TET3: variants seen among roughly 807,000 people sequenced by gnomAD.
The protein encoded by TET3 is methylcytosine dioxygenase TET3.
TET3 carries 19 observed loss-of-function variants against 141.4 expected under a neutral mutation model. The ratio of observed to expected loss-of-function variants is 0.13; its 90% CI spans 0.09 to 0.20. The LOEUF is 0.20. TET3 is among the 10% of genes least tolerant of loss of function. TET3 has a pLI of 1.00. For synonymous variants in TET3, 1,043 were observed against 980.9 expected (o/e 1.06, Z -1.18); for missense variants, 1,874 against 2,356.9 (o/e 0.80, Z 4.24).
intron 4 of TET3, 101 bp downstream of exon 4, chr2:74,048,512 G>A (rs542933831): frequency 1.4e-4 from 170 of 1,252,916 alleles, no homozygotes; most frequent in African/African-American, 2.4e-4. Context: ...ATTTATTTGT[G>A]CCAACTGCCA....
At chr2:74,122,457 A>ATGTGTGTGTGTG in the TET3 span, 103 of 127,486 alleles carry the variant, frequency 8.1e-4, no homozygotes, top group East Asian at 8.9e-3. Context: ...AAATATATAT[A>ATGTGTGTGTGTG]TGTGTGTGTG....
the TET3 span, among the ~76,000 whole-genome samples, chr2:74,125,485 G>A: frequency 1.3e-5 from 2 of 152,272 alleles, no homozygotes; most frequent in South Asian, 4.1e-4. Flanking sequence ...CTGAGATGAA[G>A]CTTTACATGG....
At chr2:74,074,535 T>TAA in intron 5 of TET3, among the ~76,000 whole-genome samples, 1 of 152,340 alleles carries the variant, frequency 6.6e-6, no homozygotes, top group South Asian at 2.1e-4. Flanking sequence ...CGGCAGGTAG[T>TAA]AAACACTCTA....
At chr2:74,045,013 C>G (rs1687541975) in intron 3 of TET3, among the ~76,000 whole-genome samples, 1 of 152,336 alleles carries the variant, frequency 6.6e-6, no homozygotes, top group South Asian at 2.1e-4. Context: ...AGAGATTGTT[C>G]TCTTCAAAAA....
At chr2:73,989,275 G>A (rs1412639532) in intron 2 of TET3, among the ~76,000 whole-genome samples, 15 of 152,168 alleles carry the variant, frequency 9.9e-5, no homozygotes, top group Middle Eastern at 3.4e-3. Context: ...CAGGTGGGGC[G>A]GGACGCAGTA....
chr2:74,007,806 G>T (rs1391034679), intron 3 of TET3, among the ~76,000 whole-genome samples: 2 of 152,112 alleles, frequency 1.3e-5, no homozygotes, highest in African/African-American at 2.4e-5. Flanking sequence ...CAGTTTTTTT[G>T]TTTGTTTGTT....
chr2:74,119,868 G>A, the TET3 span, among the ~76,000 whole-genome samples: 3 of 152,274 alleles, frequency 2.0e-5, no homozygotes, highest in South Asian at 6.2e-4. Context: ...AGTAGTTGTG[G>A]TAATATGAAC....
Position 73,986,639 on chromosome 2 carries a change from G to A in TET3, c.236G>A (p.Arg79His). 1.6e-6 allele frequency: 2 copies of A among 1,232,130 alleles called. No individual in the cohort carries two copies. The highest frequency in any genetic ancestry group is 4.1e-5 in the South Asian group (1 of 24,322). The allele number at this position is 1,232,130 out of a possible 1,614,324, so 76.3% of individuals were successfully genotyped here. The change falls in exon 2 of 12, where the codon CGC becomes CAC. Residue 79 changes from arginine to histidine, a missense_variant. By Grantham distance (29) the Arg-to-His change is conservative. This residue lies in a region of TET3 where 366 missense variants were observed against 487.0 expected (regional missense o/e 0.75). Coordinates refer to ENST00000409262, the MANE Select transcript of TET3 (RefSeq NM_001287491.2). ...GCTTGCACTAGCTGTACCAACCGCC[G>A]CACGCACCAGATCTGCAAACTGCGA... The part of the protein sequence containing the change: ...CGACTSCTNR[R>H]THQICKLRKC...
chr2:73,988,989 A>AAATT (rs1558689017), intron 2 of TET3, among the ~76,000 whole-genome samples: 1 of 128,888 alleles, frequency 7.8e-6, no homozygotes, highest in Admixed American at 7.5e-5. Context: ...AAAAAAAAAA[A>AAATT]GTTTTTTTTG....
At chr2:74,032,488 T>TGTGTGTGTGTGTGTGTGTGG (rs1686796340) in intron 3 of TET3, among the ~76,000 whole-genome samples, 2 of 78,944 alleles carry the variant, frequency 2.5e-5, no homozygotes, top group South Asian at 2.9e-4. Context: ...TGTGTGTGTG[T>TGTGTGTGTGTGTGTGTGTGG]GTGTGTGTGT....
intron 3 of TET3, among the ~76,000 whole-genome samples, chr2:74,031,610 C>T (rs1686692559): frequency 6.6e-6 from 1 of 152,172 alleles, no homozygotes. Context: ...CCCCAATTTC[C>T]TGCCTTCTGG....
the TET3 span, chr2:74,122,313 A>G: frequency 6.6e-6 from 1 of 151,658 alleles, no homozygotes; most frequent in African/African-American, 2.4e-5. Context: ...CTGACAACAG[A>G]GTGGAATGTA....
At chr2:74,011,278 G>A (rs1238035627) in intron 3 of TET3, among the ~76,000 whole-genome samples, 2 of 150,850 alleles carry the variant, frequency 1.3e-5, no homozygotes, top group African/African-American at 2.4e-5. Flanking sequence ...GTATACACAC[G>A]GAAAGGCATA....
chr2:74,022,094 CTTTTTTTTT>C (rs34529157), intron 3 of TET3, among the ~76,000 whole-genome samples: 10 of 82,768 alleles, frequency 1.2e-4, no homozygotes, highest in Middle Eastern at 9.1e-3. Context: ...TTCTAGGACA[CTTTTTTTTT>C]TTTTTTTTTT....
At chr2:74,003,399 C>T (rs1684968169) in intron 3 of TET3, among the ~76,000 whole-genome samples, 1 of 147,690 alleles carries the variant, frequency 6.8e-6, no homozygotes, top group Non-Finnish European at 1.5e-5. Flanking sequence ...GTTTTGGGTG[C>T]AGTTGGGGCT....
chr2:74,024,689 C>A (rs1162618406), intron 3 of TET3, among the ~76,000 whole-genome samples: 1 of 152,004 alleles, frequency 6.6e-6, no homozygotes, highest in Non-Finnish European at 1.5e-5. Context: ...TCCTGTTCCT[C>A]GTTGTAAGAT....
At chr2:74,032,023 A>G (rs1686722762) in intron 3 of TET3, among the ~76,000 whole-genome samples, 1 of 152,136 alleles carries the variant, frequency 6.6e-6, no homozygotes, top group Non-Finnish European at 1.5e-5. Flanking sequence ...ACTAAAATGG[A>G]TGTGGAATTG....
intron 2 of TET3, among the ~76,000 whole-genome samples, chr2:73,995,174 G>C (rs1384492025): frequency 6.6e-6 from 1 of 152,192 alleles, no homozygotes; most frequent in Non-Finnish European, 1.5e-5. Context: ...TGGCCAGTCT[G>C]ATCTTGAACT....
upstream of TET3, among the ~76,000 whole-genome samples, chr2:73,984,102 G>T (rs188260520): frequency 6.6e-6 from 1 of 152,248 alleles, no homozygotes; most frequent in African/African-American, 2.4e-5. This position sits in a 1 kb window ranked among gnomAD's most constrained non-coding sequence, Gnocchi z 5.6. Context: ...GGGTTTTAGG[G>T]CTTAGTCGCC....
Sources: allele counts gnomAD v4.1 joint callset (sites outside exome capture counted in the v4.1 genomes callset), GRCh38; gene constraint gnomAD v4.1.1; regional missense constraint gnomAD v4.1.1; non-coding constraint Gnocchi (gnomAD v3.1); transcripts MANE v1.5; gene names NCBI Gene and HGNC (gene_info 2026-07-23, HGNC 2026-07-21).